MACROD2: variants seen among roughly 807,000 people sequenced by gnomAD.
MACROD2 encodes ADP-ribose glycohydrolase MACROD2.
A neutral mutation model predicts 70.4 loss-of-function variants in MACROD2; 36 were observed. That is an observed-to-expected ratio of 0.51 (90% confidence interval 0.39 to 0.68). MACROD2 has a LOEUF of 0.68. MACROD2 is among the 30% of genes least tolerant of loss of function. MACROD2 has a pLI of 0.00. For missense variants in MACROD2, 496 were observed against 538.4 expected (o/e 0.92, Z 0.78); for synonymous variants, 172 against 178.8 (o/e 0.96, Z 0.30).
chr20:15,120,592 A>T (rs539479248), intron 5 of MACROD2, among the ~76,000 whole-genome samples: 16 of 152,186 alleles, frequency 1.1e-4, no homozygotes, highest in Non-Finnish European at 2.2e-4. Flanking sequence ...GGGCTGAAAC[A>T]TGGTCATTTT....
At chr20:14,769,353 G>T (rs1219225662) in intron 5 of MACROD2, among the ~76,000 whole-genome samples, 1 of 152,070 alleles carries the variant, frequency 6.6e-6, no homozygotes, top group Non-Finnish European at 1.5e-5. Flanking sequence ...GTCTTGGCAG[G>T]AAGAGAAATT....
intron 3 of MACROD2, among the ~76,000 whole-genome samples, chr20:14,232,783 A>T (rs1047178335): frequency 6.6e-6 from 1 of 152,234 alleles, no homozygotes; most frequent in Non-Finnish European, 1.5e-5. Flanking sequence ...TGGCACTTTC[A>T]GTTTCCTTCA....
intron 5 of MACROD2, among the ~76,000 whole-genome samples, chr20:15,176,715 A>G (rs894701688): frequency 6.6e-6 from 1 of 152,168 alleles, no homozygotes; most frequent in Non-Finnish European, 1.5e-5. Flanking sequence ...AACTCAGGAC[A>G]TGCCAAATGG....
chr20:15,993,898 G>C (rs1477385939), intron 15 of MACROD2, among the ~76,000 whole-genome samples: 1 of 152,098 alleles, frequency 6.6e-6, no homozygotes, highest in African/African-American at 2.4e-5. Context: ...CTAGTGAATA[G>C]AAAGCTGGTC....
intron 8 of MACROD2, among the ~76,000 whole-genome samples, chr20:15,740,373 G>T (rs1226461969): frequency 6.6e-6 from 1 of 152,100 alleles, no homozygotes; most frequent in Non-Finnish European, 1.5e-5. Context: ...CTATAGCAGG[G>T]TCTTAGTCAA....
At chr20:15,738,554 G>A (rs1264323450) in intron 8 of MACROD2, among the ~76,000 whole-genome samples, 3 of 152,134 alleles carry the variant, frequency 2.0e-5, no homozygotes, top group East Asian at 3.9e-4. Context: ...AAGAGTGAAG[G>A]TAATATTGAT....
intron 5 of MACROD2, among the ~76,000 whole-genome samples, chr20:15,224,213 A>G (rs1214787023): frequency 1.3e-5 from 2 of 152,244 alleles, no homozygotes; most frequent in Non-Finnish European, 2.9e-5. Flanking sequence ...AAGAAATAAT[A>G]GGATGGTGGT....
chr20:14,351,389 C>G (rs975871666), intron 3 of MACROD2, among the ~76,000 whole-genome samples: 5 of 151,882 alleles, frequency 3.3e-5, no homozygotes, highest in Non-Finnish European at 7.4e-5. Flanking sequence ...CATGGAATAT[C>G]TTTCCATTTT....
At chr20:14,264,523 T>A (rs565420952) in intron 3 of MACROD2, among the ~76,000 whole-genome samples, 1 of 152,294 alleles carries the variant, frequency 6.6e-6, no homozygotes, top group African/African-American at 2.4e-5. Flanking sequence ...GGTGTCCAAA[T>A]CTTCAGGGAA....
At chr20:15,033,885 C>G (rs903381153) in intron 5 of MACROD2, among the ~76,000 whole-genome samples, 1 of 152,156 alleles carries the variant, frequency 6.6e-6, no homozygotes, top group Admixed American at 6.5e-5. Context: ...GGGAGTATTG[C>G]AGTTAAAAGG....
intron 8 of MACROD2, among the ~76,000 whole-genome samples, chr20:15,806,571 A>G (rs1206783197): frequency 2.0e-5 from 3 of 152,118 alleles, no homozygotes; most frequent in African/African-American, 7.2e-5. Flanking sequence ...TAACTGAGGA[A>G]GCATTTCACA....
intron 5 of MACROD2, among the ~76,000 whole-genome samples, chr20:14,854,075 T>C (rs1274016551): frequency 6.6e-6 from 1 of 152,080 alleles, no homozygotes; most frequent in Non-Finnish European, 1.5e-5. Flanking sequence ...AGTTTTAACC[T>C]GCTCCATGAC....
intron 8 of MACROD2, among the ~76,000 whole-genome samples, chr20:15,618,668 G>T (rs1722649653): frequency 6.6e-6 from 1 of 152,118 alleles, no homozygotes; most frequent in Non-Finnish European, 1.5e-5. Flanking sequence ...AGGGGCTTCT[G>T]CCTCTCTAAC....
At chr20:14,812,137 T>C (rs878926009) in intron 5 of MACROD2, among the ~76,000 whole-genome samples, 1 of 152,104 alleles carries the variant, frequency 6.6e-6, no homozygotes, top group Non-Finnish European at 1.5e-5. Context: ...CATATGTTTA[T>C]TGCAGCACTA....
chr20:14,544,245 T>TA (rs1302394452), intron 4 of MACROD2, among the ~76,000 whole-genome samples: 2 of 150,818 alleles, frequency 1.3e-5, no homozygotes, highest in Non-Finnish European at 2.9e-5. Context: ...TTTTTTTTTT[T>TA]AGAAAATAGG....
In MACROD2 at chr20:14,264,934, A is replaced by G. The variant is rs544779301; in HGVS notation, c.271+179206A>G. Among the ~76,000 whole-genome samples the G allele has an allele frequency of 1.4e-4, 21 of 152,332 alleles. No homozygotes were observed. The South Asian group carries it at 1.4e-3, about 11-fold the overall frequency. On this transcript the variant is annotated intron_variant, in intron 3 of 17. Coordinates refer to ENST00000684519, the MANE Select transcript of MACROD2 (RefSeq NM_001351661.2). Reference sequence around the variant, plus strand: ...TTGTTGAGGGGCAAATAATAACCAGAATGCAAAAGACTGGTTGGATCAGCT... The same window carrying G: ...TTGTTGAGGGGCAAATAATAACCAGGATGCAAAAGACTGGTTGGATCAGCT...
chr20:14,546,411 T>C (rs1425986200), intron 4 of MACROD2, among the ~76,000 whole-genome samples: 1 of 152,154 alleles, frequency 6.6e-6, no homozygotes, highest in Non-Finnish European at 1.5e-5. Context: ...AATTAGAAGA[T>C]GGGTGATATT....
intron 6 of MACROD2, among the ~76,000 whole-genome samples, chr20:15,405,051 A>T (rs2045981045): frequency 6.6e-6 from 1 of 152,242 alleles, no homozygotes; most frequent in South Asian, 2.1e-4. Flanking sequence ...ATAGTGTATG[A>T]TTACATTTAT....
At chr20:14,487,042 A>C (rs1454122429) in intron 3 of MACROD2, among the ~76,000 whole-genome samples, 2 of 152,216 alleles carry the variant, frequency 1.3e-5, no homozygotes, top group Non-Finnish European at 2.9e-5. Context: ...ATGAGGGCAT[A>C]GCAGTGAACA....
Sources: allele counts gnomAD v4.1 joint callset (sites outside exome capture counted in the v4.1 genomes callset), GRCh38; gene constraint gnomAD v4.1.1; transcripts MANE v1.5; gene names NCBI Gene and HGNC (gene_info 2026-07-23, HGNC 2026-07-21).